The following TMEM41A variants were observed in gnomAD, a reference collection of about 807,000 sequenced individuals.
The protein encoded by TMEM41A is transmembrane protein 41A.
TMEM41A carries 20 observed loss-of-function variants against 25.7 expected under a neutral mutation model. The observed-to-expected ratio is 0.78, with a 90% CI of 0.55 to 1.13. The LOEUF (loss-of-function observed/expected upper bound fraction) is 1.13. Among genes scored for constraint, TMEM41A ranks in the 50% most tolerant of loss-of-function variants. The probability of loss-of-function intolerance (pLI) is 0.00; values close to 1 mark genes in which losing one functional copy is unlikely to be tolerated. For synonymous variants in TMEM41A, 133 were observed against 139.6 expected, an observed-to-expected ratio of 0.95 and a Z score of 0.33; for missense variants, 299 against 314.3, an observed-to-expected ratio of 0.95 and a Z score of 0.37.
At chr3:185,495,431 C>T in intron 2 of TMEM41A, 116 bp from the exon 3 acceptor site, 1 of 928,850 alleles carries the variant, frequency 1.1e-6, no homozygotes, top group South Asian at 1.7e-5. Context: ...CCAGCTAAAA[C>T]CCAATTGCGT....
chr3:185,492,772 G>A (rs1718995571), intron 4 of TMEM41A: 1 of 152,170 alleles, frequency 6.6e-6, no homozygotes, highest in African/African-American at 2.4e-5. Context: ...TCTTCTATAG[G>A]AGAGGAAGTA....
intron 1 of TMEM41A, among the ~76,000 whole-genome samples, chr3:185,497,770 C>T (rs931688063): frequency 1.3e-5 from 2 of 152,220 alleles, no homozygotes; most frequent in African/African-American, 4.8e-5. Context: ...CACAGCAGAG[C>T]CTTCTTAGCT....
rs769656714 is a variant in TMEM41A, at chr3:185,496,993, G to C, written c.120-12C>G. ...GGAACCACAGCGACCTGGGGATTTG[G>C]AAAAGCAGATGGAAACATGAGTTCA... is the stretch of plus-strand genomic sequence containing the variant. On this transcript the variant is annotated splice_polypyrimidine_tract_variant and intron_variant, in intron 1 of 4. Transcript: ENST00000421852. 58 of 1,586,872 alleles carry C rather than the reference G, an allele frequency of 3.7e-5. No individual in the cohort carries two copies. Among genetic ancestry groups the C allele is most frequent in the Non-Finnish European group, 4.7e-5 (55 of 1,168,604 alleles).
In TMEM41A at chr3:185,494,638, A is replaced by C. The variant is rs962878994; in HGVS notation, c.559T>G (p.Phe187Val). Reference sequence around the variant, plus strand: ...AGCATCTTACCGATAAGAACTGAGAAGAAGAACTGCACGATGGGAATGTTC... The same window carrying C: ...AGCATCTTACCGATAAGAACTGAGACGAAGAACTGCACGATGGGAATGTTC... ...ILNIPIVQFF[F>V]SVLIGLIPYN... Residue 187 changes from phenylalanine (F) to valine (V), a missense_variant, in exon 4 of 5, where the codon TTC becomes GTC. By Grantham distance (50) the Phe-to-Val change is conservative. Coordinates refer to ENST00000421852, the MANE Select transcript of TMEM41A (RefSeq NM_080652.4). 6.2e-7 allele frequency: 1 copy of C among 1,607,736 alleles called. No homozygotes were observed. Among genetic ancestry groups the C allele is most frequent in the Non-Finnish European group, 8.5e-7 (1 of 1,177,834 alleles).
At chr3:185,492,008 G>C (rs1718972622) in intron 4 of TMEM41A, among the ~76,000 whole-genome samples, 1 of 151,920 alleles carries the variant, frequency 6.6e-6, no homozygotes, top group African/African-American at 2.4e-5. Context: ...GCTACTATAA[G>C]ACAATTTTAA....
chr3:185,496,778 C>T, intron 2 of TMEM41A, 50 bp downstream of exon 2: 3 of 1,572,094 alleles, frequency 1.9e-6, no homozygotes, highest in Non-Finnish European at 2.6e-6. Context: ...GGGGAGTATC[C>T]AAATTTTACA....
Position 185,496,839 on chromosome 3 carries a change from A to G in TMEM41A, c.262T>C (p.Ser88Pro). ...GGCAGGACACTGACCAGGAAGCTGG[A>G]GCCGGGGATGGCAAAGCCCTGTTTG... Reference protein sequence around the residue: ...LYKQGFAIPGSSFLNVLAGAL... With the variant: ...LYKQGFAIPGPSFLNVLAGAL... The change falls in exon 2 of 5, where the codon TCC becomes CCC. Residue 88 changes from serine to proline, a missense_variant. Physicochemically the swap from Ser to Pro is moderately conservative, Grantham distance 74. Transcript: ENST00000421852. 1 of 1,607,012 alleles carries G rather than the reference A, an allele frequency of 6.2e-7. No individual in the cohort carries two copies.
chr3:185,491,804 T>A, intron 4 of TMEM41A, 47 bp from the exon 5 acceptor site: 4 of 1,438,698 alleles, frequency 2.8e-6, no homozygotes, highest in South Asian at 1.3e-5. Context: ...AGCAGCAAAA[T>A]TAAGAAAATA....
In TMEM41A at chr3:185,490,692, T is replaced by G. The variant is rs1349618135; in HGVS notation, c.*845A>C. 2 of 152,208 alleles carry G rather than the reference T, an allele frequency of 1.3e-5. No individual in the cohort carries two copies. The allele number at this position is 152,208 out of a possible 1,614,324, so 9.4% of individuals were successfully genotyped here. On this transcript the variant is annotated 3_prime_UTR_variant, in exon 5 of 5. Coordinates refer to ENST00000421852, the MANE Select transcript of TMEM41A (RefSeq NM_080652.4). Reference sequence around the variant, plus strand: ...AGTTCGTCAACTTGTTTCACTTGGCTTATGAAGAGGTAGGTCATCAGCAAA... The same window carrying G: ...AGTTCGTCAACTTGTTTCACTTGGCGTATGAAGAGGTAGGTCATCAGCAAA...
Position 185,491,255 on chromosome 3 carries a change from C to T in TMEM41A, c.*282G>A, listed in dbSNP as rs1164974521. On this transcript the variant is annotated 3_prime_UTR_variant, in exon 5 of 5. Transcript: ENST00000421852. Reference sequence around the variant, plus strand: ...TTGTGAATCACCGGCCTCGGCCTCCCAAAGTGCTGGGATTACAGGCGTGAG... The same window carrying T: ...TTGTGAATCACCGGCCTCGGCCTCCTAAAGTGCTGGGATTACAGGCGTGAG... 8.0e-6 allele frequency: 2 copies of T among 248,620 alleles called. No individual in the cohort carries two copies. The highest frequency in any genetic ancestry group is 1.6e-5 in the Non-Finnish European group (2 of 127,616). 15.4% of individuals were successfully genotyped at this position (248,620 alleles called of 1,614,324 possible). A position where few individuals can be genotyped will look rare whatever the true frequency, so the allele number is the denominator to read the frequency against.
chr3:185,496,558 G>C, intron 2 of TMEM41A: 1 of 493,512 alleles, frequency 2.0e-6, no homozygotes, highest in Non-Finnish European at 3.7e-6. Flanking sequence ...TCTAGTTTCC[G>C]ACAAGGAAAC....
chr3:185,491,397 T>A lies in TMEM41A; in HGVS notation c.*140A>T. On this transcript the variant is annotated 3_prime_UTR_variant, in exon 5 of 5. Transcript: ENST00000421852. ...ACCTTCAAGAGCAGAGTGTCCTTTCTGAAAAGACACTGCACATTGATGCAC... is the reference window on the plus strand; with the variant it reads ...ACCTTCAAGAGCAGAGTGTCCTTTCAGAAAAGACACTGCACATTGATGCAC... 1.5e-6 allele frequency: 1 copy of A among 665,350 alleles called. No individual in the cohort carries two copies. Among genetic ancestry groups the A allele is most frequent in the Non-Finnish European group, 2.6e-6 (1 of 390,200 alleles). 41.2% of individuals were successfully genotyped at this position (665,350 alleles called of 1,614,324 possible). A position where few individuals can be genotyped will look rare whatever the true frequency, so the allele number is the denominator to read the frequency against.
chr3:185,495,140 ACCCCT>A lies in TMEM41A; in HGVS notation c.435+9_435+13del. On this transcript the variant is annotated intron_variant, in intron 3 of 4. Transcript: ENST00000421852. ...TCTGGGGTCCCAGCTCTCAGATGTG[ACCCCT>A]CCCCTTACCTTTCTCTGCAGCAGGG... 1 of 1,612,234 alleles carries A rather than the reference ACCCCT, an allele frequency of 6.2e-7. No individual in the cohort carries two copies. Among genetic ancestry groups the A allele is most frequent in the Non-Finnish European group, 8.5e-7 (1 of 1,179,754 alleles).
chr3:185,498,972 C>T lies in TMEM41A; in HGVS notation c.-11G>A. On this transcript the variant is annotated 5_prime_UTR_variant, in exon 1 of 5. Coordinates refer to ENST00000421852, the MANE Select transcript of TMEM41A (RefSeq NM_080652.4). ...GAGAAGCGGGCGCATGTCGGCTCCG[C>T]ACCCCGGCCCGCGGGGCAGCCGAGA... 6.3e-7 allele frequency: 1 copy of T among 1,587,782 alleles called. No homozygotes were observed. Among genetic ancestry groups the T allele is most frequent in the South Asian group, 1.1e-5 (1 of 87,638 alleles).
In TMEM41A at chr3:185,494,764, G is replaced by A. The variant is rs777031994; in HGVS notation, c.436-3C>T. On this transcript the variant is annotated splice_polypyrimidine_tract_variant and splice_region_variant and intron_variant, in intron 3 of 4. Transcript: ENST00000421852. ...AAGCTGTTTCTGTTCTCCTCCACCT[G>A]TAGCCAAAGAGAAGAAAGCTGTTAA... is the stretch of plus-strand genomic sequence containing the variant. 8.1e-6 allele frequency: 13 copies of A among 1,597,908 alleles called. No individual in the cohort carries two copies. Among genetic ancestry groups the A allele is most frequent in the Non-Finnish European group, 1.0e-5 (12 of 1,174,840 alleles).
intron 1 of TMEM41A, among the ~76,000 whole-genome samples, chr3:185,497,493 G>C (rs1272736109): frequency 1.3e-5 from 2 of 152,188 alleles, no homozygotes. Context: ...AAGCCAATTA[G>C]AGATTCTTCA....
intron 1 of TMEM41A, chr3:185,498,407 G>C (rs1017315726): frequency 6.1e-6 from 1 of 165,276 alleles, no homozygotes; most frequent in African/African-American, 2.4e-5. Context: ...CAGACCTGAC[G>C]TAAGTGGGGT....
At chr3:185,496,769 G>A (rs756503257) in intron 2 of TMEM41A, 59 bp downstream of exon 2, 1 of 1,557,088 alleles carries the variant, frequency 6.4e-7, no homozygotes, top group East Asian at 2.3e-5. Context: ...GAGGTTACAG[G>A]GGAGTATCCA....
intron 4 of TMEM41A, among the ~76,000 whole-genome samples, chr3:185,492,080 TC>T (rs1346378314): frequency 6.6e-6 from 1 of 152,082 alleles, no homozygotes; most frequent in Non-Finnish European, 1.5e-5. Flanking sequence ...CCGAGGTGGA[TC>T]ACCTGAGGTC....
Sources: allele counts gnomAD v4.1 joint callset (sites outside exome capture counted in the v4.1 genomes callset), GRCh38; gene constraint gnomAD v4.1.1; transcripts MANE v1.5; gene names NCBI Gene and HGNC (gene_info 2026-07-23, HGNC 2026-07-21).